The following KLF12 variants were observed in gnomAD, a reference collection of about 807,000 sequenced individuals.
KLF12 encodes KLF transcription factor 12.
KLF12 carries 9 observed loss-of-function variants against 37.8 expected under a neutral mutation model. That is an observed-to-expected ratio of 0.24 (90% CI 0.14 to 0.42). The LOEUF is 0.42. Ranked by LOEUF, KLF12 falls within the 10% of genes least tolerant of loss-of-function variation. KLF12 has a pLI of 1.00. For synonymous variants in KLF12, 208 were observed against 202.1 expected, an observed-to-expected ratio of 1.03 and a Z score of -0.25; for missense variants, 411 against 516.0, an observed-to-expected ratio of 0.80 and a Z score of 1.97.
intron 3 of KLF12, among the ~76,000 whole-genome samples, chr13:73,864,305 T>C (rs903375836): frequency 6.6e-6 from 1 of 152,158 alleles, no homozygotes. Flanking sequence ...ATTTCTCTCA[T>C]AGTTGTACTT....
In KLF12 at chr13:74,072,405, A is replaced by G. The variant is rs1220062700; in HGVS notation, c.-32+61334T>C. Reference sequence around the variant, plus strand: ...TATATATATATATATATATATATATATAAAAGATTATCTACAAGAAACTAA... The same window carrying G: ...TATATATATATATATATATATATATGTAAAAGATTATCTACAAGAAACTAA... On this transcript the variant is annotated intron_variant, in intron 1 of 7. Coordinates refer to ENST00000377669, the MANE Select transcript of KLF12 (RefSeq NM_007249.5). 3.7e-5 allele frequency among the ~76,000 whole-genome samples: 5 copies of G among 133,344 alleles called. No homozygotes were observed. The East Asian group carries it at 1.2e-3, about 31-fold the overall frequency. 87.5% of individuals were successfully genotyped at this position (133,344 alleles called of 152,430 possible).
intron 1 of KLF12, among the ~76,000 whole-genome samples, chr13:74,032,850 C>G (rs1893149373): frequency 2.0e-5 from 3 of 152,102 alleles, no homozygotes; most frequent in Non-Finnish European, 4.4e-5. Flanking sequence ...AAGAAAATCA[C>G]CTCTATACTA....
At chr13:73,830,004 G>T (rs1884066262) in intron 4 of KLF12, among the ~76,000 whole-genome samples, 1 of 152,206 alleles carries the variant, frequency 6.6e-6, no homozygotes, top group African/African-American at 2.4e-5. Context: ...GTTTAAGTAT[G>T]AAGGACTTAT....
the KLF12 span, among the ~76,000 whole-genome samples, chr13:74,260,569 TAAAATAAATA>T: frequency 1.2e-5 from 1 of 83,914 alleles, no homozygotes; most frequent in East Asian, 2.8e-4. Flanking sequence ...TAAAATAAAA[TAAAATAAATA>T]AAATAAAATA....
At chr13:73,753,225 C>T (rs535051674) in intron 6 of KLF12, among the ~76,000 whole-genome samples, 1 of 152,236 alleles carries the variant, frequency 6.6e-6, no homozygotes, top group African/African-American at 2.4e-5. Flanking sequence ...TTGTTTCACG[C>T]TTCCCCTCAT....
rs181053374 is a variant in KLF12 at position 73,957,011 on chromosome 13, G to A, written c.34-12941C>T. Among the ~76,000 whole-genome samples the A allele has an allele frequency of 1.1e-3, 136 of 127,958 alleles. 1 individual carries two copies. Among genetic ancestry groups the A allele is most frequent in the Admixed American group, 3.0e-3 (34 of 11,480 alleles). 83.9% of individuals were successfully genotyped at this position (127,958 alleles called of 152,430 possible). Reference sequence around the variant, plus strand: ...GGAAGGGAAAGGAGGGAAAGGAAAGGAAAAGAAAGGAAAGGAAAGGAAAGG... The same window carrying A: ...GGAAGGGAAAGGAGGGAAAGGAAAGAAAAAGAAAGGAAAGGAAAGGAAAGG... On this transcript the variant is annotated intron_variant, in intron 2 of 7. Coordinates refer to ENST00000377669, the MANE Select transcript of KLF12 (RefSeq NM_007249.5).
the KLF12 span, among the ~76,000 whole-genome samples, chr13:74,235,920 A>T: frequency 2.2e-5 from 3 of 139,340 alleles, no homozygotes; most frequent in Non-Finnish European, 1.6e-5. Flanking sequence ...TAATTTTTTT[A>T]TTTTTTTAGT....
At chr13:73,698,151 C>G (rs1438407291) in intron 7 of KLF12, among the ~76,000 whole-genome samples, 2 of 143,974 alleles carry the variant, frequency 1.4e-5, no homozygotes, top group Non-Finnish European at 3.0e-5. Context: ...AGTATGACCC[C>G]GAAAGAAAGA....
chr13:74,076,191 A>G (rs1339498486), intron 1 of KLF12, among the ~76,000 whole-genome samples: 1 of 152,218 alleles, frequency 6.6e-6, no homozygotes, highest in East Asian at 1.9e-4. Context: ...TTAAAAGAAA[A>G]TTTTAAAAGG....
At chr13:74,297,561 C>T in the KLF12 span, among the ~76,000 whole-genome samples, 1,189 of 152,240 alleles carry the variant, frequency 7.8e-3, 9 homozygotes, top group African/African-American at 0.027. Context: ...GCCCCCTGGG[C>T]TTTTGATAGA....
At chr13:73,900,749 T>C (rs547569982) in intron 3 of KLF12, among the ~76,000 whole-genome samples, 15 of 152,304 alleles carry the variant, frequency 9.8e-5, no homozygotes, top group African/African-American at 3.1e-4. Context: ...AATGTCTACA[T>C]GTTTTTCCTT....
At chr13:74,084,244 C>A (rs531635631) in intron 1 of KLF12, among the ~76,000 whole-genome samples, 65 of 152,170 alleles carry the variant, frequency 4.3e-4, no homozygotes, top group African/African-American at 1.4e-3. Flanking sequence ...TCAACCATTC[C>A]CTATGAAAGG....
At chr13:74,084,646 A>T (rs1002639472) in intron 1 of KLF12, among the ~76,000 whole-genome samples, 1 of 152,202 alleles carries the variant, frequency 6.6e-6, no homozygotes, top group Non-Finnish European at 1.5e-5. Context: ...TCTTAGCCAC[A>T]ATAACAGTGT....
chr13:74,230,004 T>C, the KLF12 span, among the ~76,000 whole-genome samples: 1 of 152,288 alleles, frequency 6.6e-6, no homozygotes, highest in East Asian at 1.9e-4. Context: ...TTACTTAGTT[T>C]CTCTGAGCTG....
chr13:73,983,519 C>T (rs1316350145), intron 2 of KLF12, among the ~76,000 whole-genome samples: 2 of 152,188 alleles, frequency 1.3e-5, no homozygotes, highest in African/African-American at 4.8e-5. Flanking sequence ...TTACTCCCAG[C>T]CTTTATATTA....
At chr13:74,216,397 A>G in the KLF12 span, among the ~76,000 whole-genome samples, 5 of 152,168 alleles carry the variant, frequency 3.3e-5, no homozygotes, top group Non-Finnish European at 7.4e-5. Flanking sequence ...GCCACAGGTT[A>G]ATGTACAACA....
chr13:73,987,848 A>C, intron 2 of KLF12, among the ~76,000 whole-genome samples: 1 of 147,498 alleles, frequency 6.8e-6, no homozygotes, highest in South Asian at 2.3e-4. Flanking sequence ...AAGTGGGGGA[A>C]GAGGAAAGAG....
chr13:74,227,688 A>G, the KLF12 span, among the ~76,000 whole-genome samples: 4 of 152,106 alleles, frequency 2.6e-5, no homozygotes, highest in Non-Finnish European at 5.9e-5. Context: ...TAGGCTTCTC[A>G]TTCTAAAGTG....
At chr13:74,082,098 CAGG>C (rs1874930055) in intron 1 of KLF12, among the ~76,000 whole-genome samples, 1 of 149,556 alleles carries the variant, frequency 6.7e-6, no homozygotes, top group Admixed American at 6.7e-5. Flanking sequence ...GAGGCTGAGG[CAGG>C]AGGACTGCTC....
Sources: allele counts gnomAD v4.1 joint callset (sites outside exome capture counted in the v4.1 genomes callset), GRCh38; gene constraint gnomAD v4.1.1; transcripts MANE v1.5; gene names NCBI Gene and HGNC (gene_info 2026-07-23, HGNC 2026-07-21).